The following SLC25A46 variants were observed in gnomAD, a reference collection of about 807,000 sequenced individuals.
SLC25A46 encodes solute carrier family 25 member 46, also known as mitochondrial outer membrane protein SLC25A46.
A neutral mutation model predicts 44.6 loss-of-function variants in SLC25A46; 39 were observed. The ratio of observed to expected loss-of-function variants is 0.87; its 90% CI spans 0.68 to 1.14. The LOEUF (loss-of-function observed/expected upper bound fraction) is 1.14, where lower values mean the gene tolerates loss of function less well. SLC25A46 is among the 50% of genes most tolerant of loss of function. SLC25A46 has a pLI of 0.00. For synonymous variants in SLC25A46, 202 were observed against 185.8 expected, an observed-to-expected ratio of 1.09 and a Z score of -0.71; for missense variants, 547 against 522.7, an observed-to-expected ratio of 1.05 and a Z score of -0.45.
At chr5:110,748,739 G>A (rs569118695) in intron 5 of SLC25A46, among the ~76,000 whole-genome samples, 4 of 152,106 alleles carry the variant, frequency 2.6e-5, no homozygotes, top group Non-Finnish European at 5.9e-5. Flanking sequence ...ATGTAAGCAA[G>A]AAGAGGTAAC....
intron 5 of SLC25A46, among the ~76,000 whole-genome samples, chr5:110,749,147 C>T (rs772808806): frequency 4.6e-5 from 7 of 151,950 alleles, no homozygotes; most frequent in Non-Finnish European, 8.8e-5. Flanking sequence ...AATGAGTTGT[C>T]AGTAGTGACT....
At chr5:110,756,835 A>G (rs1194595347) in intron 7 of SLC25A46, 76 bp downstream of exon 7, 1 of 962,118 alleles carries the variant, frequency 1.0e-6, no homozygotes, top group African/African-American at 1.7e-5. Flanking sequence ...GTAGATATCT[A>G]ACATTTCAGC....
At chr5:110,748,669 A>G (rs1165209764) in intron 5 of SLC25A46, among the ~76,000 whole-genome samples, 2 of 152,192 alleles carry the variant, frequency 1.3e-5, no homozygotes, top group Admixed American at 1.3e-4. Context: ...CAGCTGAGGA[A>G]CAAATGTGGG....
At chr5:110,748,325 C>T (rs564184352) in intron 5 of SLC25A46, 62 bp downstream of exon 5, 60 of 1,336,114 alleles carry the variant, frequency 4.5e-5, no homozygotes, top group East Asian at 2.6e-4. Context: ...TAGATGCAGG[C>T]GGTACATGTG....
At chr5:110,745,633 A>T (rs1561601693) in intron 3 of SLC25A46, 1 of 152,204 alleles carries the variant, frequency 6.6e-6, no homozygotes, top group Non-Finnish European at 1.5e-5. Flanking sequence ...AAATCATTAT[A>T]AATTAATCTG....
intron 4 of SLC25A46, among the ~76,000 whole-genome samples, chr5:110,747,006 A>G (rs775289643): frequency 2.0e-4 from 30 of 152,300 alleles, no homozygotes; most frequent in Admixed American, 3.9e-4. Flanking sequence ...CTTAAAAGCT[A>G]CAAGAGTACT....
At position 110,739,371 on chromosome 5, in the gene SLC25A46, C is replaced by G; in HGVS notation, c.252C>G (p.Gly84=). ...CCACGGAGGAACCCTTTTCCAGTGG[C>G]GGCGGCGGCAGTGTGCAGGGGCAGA... is the stretch of plus-strand genomic sequence containing the variant. ...EGPTEEPFSS[G]GGGSVQGQSS... is the part of the protein sequence containing the mutation. Residue 84 remains glycine, a synonymous_variant, in exon 1 of 8, where the codon GGC becomes GGG. Transcript: ENST00000355943. 6.4e-7 allele frequency: 1 copy of G among 1,551,388 alleles called. No homozygotes were observed. The highest frequency in any genetic ancestry group is 8.7e-7 in the Non-Finnish European group (1 of 1,151,332).
At chr5:110,740,244 T>A (rs1369065962) in intron 1 of SLC25A46, among the ~76,000 whole-genome samples, 1 of 152,198 alleles carries the variant, frequency 6.6e-6, no homozygotes, top group African/African-American at 2.4e-5. Context: ...ATTGTTAGAA[T>A]AATAGATTAA....
intron 5 of SLC25A46, chr5:110,754,312 T>TG (rs1800048254): frequency 2.2e-4 from 2 of 9,086 alleles, no homozygotes; most frequent in Non-Finnish European, 2.4e-3. Context: ...TCCCTTTCTG[T>TG]TTTTTTTTTC....
intron 5 of SLC25A46, among the ~76,000 whole-genome samples, chr5:110,749,064 G>A (rs1398630774): frequency 6.6e-6 from 1 of 152,164 alleles, no homozygotes; most frequent in Non-Finnish European, 1.5e-5. Flanking sequence ...AACAGAAAGG[G>A]ATGAGCTGGC....
chr5:110,741,878 A>C lies in SLC25A46; in HGVS notation c.284-169A>C, dbSNP rs944186540. 17 of 565,604 alleles carry C rather than the reference A, an allele frequency of 3.0e-5. No homozygotes were observed. The African/African-American group carries it at 3.3e-4, about 11-fold the overall frequency. The allele number at this position is 565,604 out of a possible 1,614,324, so 35.0% of individuals were successfully genotyped here. On this transcript the variant is annotated intron_variant, in intron 1 of 7. Coordinates refer to ENST00000355943, the MANE Select transcript of SLC25A46 (RefSeq NM_138773.4). ...GCCACAGACCCCAGCAGAGTCCTTC[A>C]TTCATTTAAATTATTTACCTGGCCC...
intron 5 of SLC25A46, among the ~76,000 whole-genome samples, chr5:110,749,278 A>C (rs1799898223): frequency 6.6e-6 from 1 of 152,074 alleles, no homozygotes; most frequent in Non-Finnish European, 1.5e-5. Context: ...TTCTTGCAAG[A>C]CATTGAGGGA....
rs1200102507 is a variant in SLC25A46 at position 110,761,032 on chromosome 5, A to G, written c.679-172A>G. Among the ~76,000 whole-genome samples the G allele has an allele frequency of 6.6e-6, 1 of 152,024 alleles. No homozygotes were observed. The highest frequency in any genetic ancestry group is 1.5e-5 in the Non-Finnish European group (1 of 67,986). On this transcript the variant is annotated intron_variant, in intron 7 of 7. Transcript: ENST00000355943. This position sits in a 1 kb window ranked among gnomAD's most constrained non-coding sequence, Gnocchi z 5.3. ...ACTTCACTGCTAGCAATTTTATGAG[A>G]TTTCATTTGAAAAAAAATCTGATGC...
At chr5:110,757,249 A>G (rs1800140053) in intron 7 of SLC25A46, among the ~76,000 whole-genome samples, 1 of 152,144 alleles carries the variant, frequency 6.6e-6, no homozygotes, top group South Asian at 2.1e-4. Context: ...GGTAAATACT[A>G]CAAAGCTGAA....
intron 1 of SLC25A46, 112 bp downstream of exon 1, chr5:110,739,514 T>A: frequency 7.2e-7 from 1 of 1,396,810 alleles, no homozygotes; most frequent in Non-Finnish European, 9.4e-7. Flanking sequence ...CTTCTCATCC[T>A]ATCGCGCGCC....
At chr5:110,740,659 A>C (rs1799645771) in intron 1 of SLC25A46, among the ~76,000 whole-genome samples, 1 of 152,180 alleles carries the variant, frequency 6.6e-6, no homozygotes, top group African/African-American at 2.4e-5. Context: ...CTATACATAC[A>C]AAATGGGTAA....
intron 1 of SLC25A46, among the ~76,000 whole-genome samples, chr5:110,740,135 A>G (rs1016351525): frequency 6.6e-6 from 1 of 152,200 alleles, no homozygotes; most frequent in Non-Finnish European, 1.5e-5. Flanking sequence ...TCTCCATGGG[A>G]TGTCAGAAAA....
intron 4 of SLC25A46, 139 bp downstream of exon 4, chr5:110,746,485 G>A (rs899440039): frequency 1.4e-5 from 8 of 580,588 alleles, no homozygotes; most frequent in African/African-American, 2.0e-5. Flanking sequence ...GTAGCACAAC[G>A]ATATGTTTTT....
At chr5:110,745,968 G>C in intron 3 of SLC25A46, 1 of 197,334 alleles carries the variant, frequency 5.1e-6, no homozygotes, top group South Asian at 1.3e-4. Context: ...ACATGAGTTG[G>C]GAGATGTAAT....
Sources: gnomAD v4.1 joint callset for allele counts (sites outside exome capture counted in the v4.1 genomes callset) on GRCh38, gnomAD v4.1.1 for gene constraint, Gnocchi (gnomAD v3.1) non-coding constraint, MANE v1.5 for transcripts, NCBI Gene and HGNC (gene_info 2026-07-23, HGNC 2026-07-21) for gene names.